The following MINDY3 variants were observed in gnomAD, a reference collection of about 807,000 sequenced individuals.
The protein encoded by MINDY3 is MINDY lysine 48 deubiquitinase 3.
MINDY3 carries 38 observed loss-of-function variants against 69.2 expected under a neutral mutation model. The observed-to-expected ratio is 0.55, with a 90% confidence interval of 0.42 to 0.72. MINDY3 has a LOEUF of 0.72. Ranked by LOEUF, MINDY3 falls within the 30% of genes least tolerant of loss-of-function variation. The probability of loss-of-function intolerance (pLI) is 0.00; values close to 1 mark genes in which losing one functional copy is unlikely to be tolerated. For synonymous variants in MINDY3, 192 were observed against 180.1 expected (o/e 1.07, Z -0.53); for missense variants, 522 against 519.0 (o/e 1.01, Z -0.06).
At chr10:15,851,558 C>A (rs1834299444) in intron 1 of MINDY3, among the ~76,000 whole-genome samples, 1 of 151,932 alleles carries the variant, frequency 6.6e-6, no homozygotes, top group East Asian at 1.9e-4. Flanking sequence ...TAGGTTTCAC[C>A]CTAAGATAAG....
chr10:15,853,155 C>G (rs192304530), intron 1 of MINDY3, among the ~76,000 whole-genome samples: 4 of 151,918 alleles, frequency 2.6e-5, no homozygotes, highest in Non-Finnish European at 5.9e-5. Context: ...GTAGTTGGAT[C>G]AAGAATTATT....
intron 10 of MINDY3, among the ~76,000 whole-genome samples, chr10:15,799,931 G>A (rs1016337509): frequency 7.9e-5 from 12 of 152,104 alleles, no homozygotes; most frequent in Admixed American, 5.9e-4. Context: ...CTGAGGTTAC[G>A]GCTGGGGAAC....
rs1588668532 is a variant in MINDY3, at chr10:15,857,286, AGT to A, written c.94+2918_94+2919del. ...CTTCCGACTTCTGCATGACTAGCTG[AGT>A]GACTCCAAGTGTTTGCTCAAATCTC... On this transcript the variant is annotated intron_variant, in intron 1 of 14. Transcript: ENST00000277632. Among the ~76,000 whole-genome samples, 2 of 152,076 alleles carry A rather than the reference AGT, an allele frequency of 1.3e-5. 1 individual carries two copies. Among genetic ancestry groups the A allele is most frequent in the East Asian group, 3.9e-4 (2 of 5,188 alleles).
chr10:15,798,986 G>A (rs1266489797), intron 10 of MINDY3, among the ~76,000 whole-genome samples: 1 of 151,848 alleles, frequency 6.6e-6, no homozygotes. Context: ...AGCAGGGTTT[G>A]GCAAGCATTT....
At chr10:15,818,575 A>G (rs916604265) in intron 9 of MINDY3, among the ~76,000 whole-genome samples, 3 of 152,226 alleles carry the variant, frequency 2.0e-5, no homozygotes, top group South Asian at 4.1e-4. Context: ...AGCCCTAGTC[A>G]TAACAGCTAA....
In MINDY3 at chr10:15,803,178, G is replaced by A. The variant is rs572175815; in HGVS notation, c.883-7006C>T. ...TTCAGAGATGTAATCAGAAAGTTATGAAACCACCTTCTATTCCCATTAAAG... is the reference window on the plus strand; with the variant it reads ...TTCAGAGATGTAATCAGAAAGTTATAAAACCACCTTCTATTCCCATTAAAG... On this transcript the variant is annotated intron_variant, in intron 10 of 14. Coordinates refer to ENST00000277632, the MANE Select transcript of MINDY3 (RefSeq NM_024948.4). 1.4e-3 allele frequency among the ~76,000 whole-genome samples: 212 copies of A among 152,222 alleles called. 2 individuals carry two copies. The highest frequency in any genetic ancestry group is 6.2e-3 in the South Asian group (30 of 4,824).
chr10:15,849,611 A>G (rs1834130420), intron 1 of MINDY3, among the ~76,000 whole-genome samples: 1 of 152,146 alleles, frequency 6.6e-6, no homozygotes. Flanking sequence ...TTTATTTACT[A>G]TGTGTTAAGT....
rs1392818893 is a variant in MINDY3 at position 15,783,795 on chromosome 10, T to G, written c.1117-1569A>C. Reference sequence around the variant, plus strand: ...CCTTAATTACAGGAGTCATTGCAATTAGTTACATAATTTGACTCTTGGCTA... The same window carrying G: ...CCTTAATTACAGGAGTCATTGCAATGAGTTACATAATTTGACTCTTGGCTA... On this transcript the variant is annotated intron_variant, in intron 13 of 14. Coordinates refer to ENST00000277632, the MANE Select transcript of MINDY3 (RefSeq NM_024948.4). Among the ~76,000 whole-genome samples, 4 of 152,316 alleles carry G rather than the reference T, an allele frequency of 2.6e-5. No homozygotes were observed. The East Asian group carries it at 5.8e-4, about 22-fold the overall frequency.
intron 10 of MINDY3, among the ~76,000 whole-genome samples, 195 bp from the exon 11 acceptor site, chr10:15,796,367 G>T (rs1237927821): frequency 2.0e-5 from 3 of 151,634 alleles, no homozygotes; most frequent in Non-Finnish European, 4.4e-5. Context: ...GGCAATAAAA[G>T]CTTAACCACA....
chr10:15,808,967 A>C (rs1372079544), intron 10 of MINDY3, among the ~76,000 whole-genome samples: 1 of 152,186 alleles, frequency 6.6e-6, no homozygotes, highest in Non-Finnish European at 1.5e-5. Flanking sequence ...CAGTAAAAAC[A>C]AAAAAGGCAT....
intron 1 of MINDY3, among the ~76,000 whole-genome samples, chr10:15,853,562 C>G (rs572665191): frequency 4.4e-4 from 67 of 152,156 alleles, no homozygotes; most frequent in African/African-American, 1.5e-3. Context: ...GTCAAAATTA[C>G]TAATTTTATT....
At chr10:15,813,502 A>T (rs1839151360) in intron 10 of MINDY3, among the ~76,000 whole-genome samples, 2 of 152,184 alleles carry the variant, frequency 1.3e-5, no homozygotes, top group South Asian at 4.1e-4. Flanking sequence ...GTCAGCACTC[A>T]TCACACTTGT....
rs1415672863 is a variant in MINDY3, at chr10:15,848,660, AAAGAAAG to A, written c.95-724_95-718del. ...AAAAAAAAAAAAAAAAAAAAAAAAA[AAAGAAAG>A]AAAAATTAAATGGCATTGTAGACAG... On this transcript the variant is annotated intron_variant, in intron 1 of 14. Coordinates refer to ENST00000277632, the MANE Select transcript of MINDY3 (RefSeq NM_024948.4). 7.9e-4 allele frequency among the ~76,000 whole-genome samples: 95 copies of A among 120,336 alleles called. 10 individuals are homozygous for A. Among genetic ancestry groups the A allele is most frequent in the Middle Eastern group, 4.8e-3 (1 of 210 alleles). 78.9% of individuals were successfully genotyped at this position (120,336 alleles called of 152,430 possible).
intron 1 of MINDY3, among the ~76,000 whole-genome samples, chr10:15,849,444 TG>T (rs200937570): frequency 2.0e-5 from 3 of 148,866 alleles, no homozygotes; most frequent in East Asian, 3.9e-4. Flanking sequence ...ATCATCTTAC[TG>T]GTTTTTTTTT....
chr10:15,854,677 A>G (rs928182742), intron 1 of MINDY3, among the ~76,000 whole-genome samples: 4 of 152,096 alleles, frequency 2.6e-5, no homozygotes, highest in African/African-American at 9.7e-5. Flanking sequence ...TCCAAAAAAC[A>G]TAAGGAAAGA....
At chr10:15,787,518 C>G (rs1429258044) in intron 12 of MINDY3, among the ~76,000 whole-genome samples, 3 of 152,170 alleles carry the variant, frequency 2.0e-5, no homozygotes, top group Non-Finnish European at 4.4e-5. Context: ...GGGGCAACTT[C>G]TCTCCTTTCA....
intron 11 of MINDY3, among the ~76,000 whole-genome samples, chr10:15,791,035 A>G (rs1384556255): frequency 1.3e-5 from 2 of 152,158 alleles, no homozygotes; most frequent in East Asian, 3.9e-4. Flanking sequence ...AAGCTTAAAC[A>G]TTTTTAAGGT....
chr10:15,841,344 A>C lies in MINDY3; in HGVS notation c.409+82T>G, dbSNP rs566698817. On this transcript the variant is annotated intron_variant, in intron 4 of 14. Coordinates refer to ENST00000277632, the MANE Select transcript of MINDY3 (RefSeq NM_024948.4). ...AATACATGTTATGAAAATTTTAAGT[A>C]ATTTTTTCTTCAAAATATTCAATAG... The C allele has an allele frequency of 5.5e-5, 62 of 1,132,526 alleles. No homozygotes were observed. The African/African-American group carries it at 9.0e-4, about 17-fold the overall frequency. 70.2% of individuals were successfully genotyped at this position (1,132,526 alleles called of 1,614,324 possible). A position where few individuals can be genotyped will look rare whatever the true frequency, so the allele number is the denominator to read the frequency against.
chr10:15,808,430 C>G (rs900443054), intron 10 of MINDY3, among the ~76,000 whole-genome samples: 8 of 152,130 alleles, frequency 5.3e-5, no homozygotes, highest in African/African-American at 1.9e-4. Flanking sequence ...TTATTACATG[C>G]AGAGAAATGT....
Sources: gnomAD v4.1 joint callset for allele counts (sites outside exome capture counted in the v4.1 genomes callset) on GRCh38, gnomAD v4.1.1 for gene constraint, MANE v1.5 for transcripts, NCBI Gene and HGNC (gene_info 2026-07-23, HGNC 2026-07-21) for gene names.